The following NOS1AP variants were observed in gnomAD, a reference collection of about 807,000 sequenced individuals.
NOS1AP encodes the protein nitric oxide synthase 1 adaptor protein, also known as carboxyl-terminal PDZ ligand of neuronal nitric oxide synthase protein.
Under a neutral mutation model 56.2 loss-of-function variants are expected in NOS1AP, and 21 were observed. That is an observed-to-expected ratio of 0.37 (90% CI 0.26 to 0.54). The LOEUF (loss-of-function observed/expected upper bound fraction) is 0.54, where lower values mean the gene tolerates loss of function less well. Ranked by LOEUF, NOS1AP falls within the 20% of genes least tolerant of loss-of-function variation. NOS1AP has a pLI of 0.84. For synonymous variants in NOS1AP, 270 were observed against 274.6 expected, an observed-to-expected ratio of 0.98 and a Z score of 0.17; for missense variants, 522 against 657.8, an observed-to-expected ratio of 0.79 and a Z score of 2.26.
intron 8 of NOS1AP, 149 bp from the exon 9 acceptor site, chr1:162,365,255 A>G: frequency 6.7e-7 from 1 of 1,499,264 alleles, no homozygotes; most frequent in Non-Finnish European, 8.9e-7. Flanking sequence ...TGATAAGCCC[A>G]GATGCCCATG....
intron 2 of NOS1AP, among the ~76,000 whole-genome samples, chr1:162,236,490 G>A (rs1034588766): frequency 1.3e-5 from 2 of 152,162 alleles, no homozygotes; most frequent in Non-Finnish European, 2.9e-5. Context: ...AGAGTAACTA[G>A]CGGACATGTC....
chr1:162,235,740 C>T (rs913065147), intron 2 of NOS1AP, among the ~76,000 whole-genome samples: 18 of 152,232 alleles, frequency 1.2e-4, no homozygotes, highest in Non-Finnish European at 5.9e-5. Flanking sequence ...TGGTTAATTC[C>T]TGGCATTCCG....
chr1:162,094,023 G>C (rs1161744667), intron 1 of NOS1AP, among the ~76,000 whole-genome samples: 1 of 152,310 alleles, frequency 6.6e-6, no homozygotes, highest in East Asian at 1.9e-4. Context: ...GACTTATTAA[G>C]ACCTCAATAG....
chr1:162,183,597 C>T (rs1363009478), intron 2 of NOS1AP, among the ~76,000 whole-genome samples: 1 of 152,210 alleles, frequency 6.6e-6, no homozygotes, highest in Admixed American at 6.5e-5. Context: ...AACTAGATCT[C>T]CTGGATAACT....
At chr1:162,205,542 C>T (rs1652133506) in intron 2 of NOS1AP, among the ~76,000 whole-genome samples, 1 of 152,160 alleles carries the variant, frequency 6.6e-6, no homozygotes, top group Non-Finnish European at 1.5e-5. Flanking sequence ...TTAGAGTTTT[C>T]CTTCTTTCTA....
At chr1:162,230,184 A>AG (rs1406233245) in intron 2 of NOS1AP, among the ~76,000 whole-genome samples, 1 of 152,174 alleles carries the variant, frequency 6.6e-6, no homozygotes, top group Non-Finnish European at 1.5e-5. Flanking sequence ...GGAGCACCAC[A>AG]GGACAGGGCT....
At chr1:162,168,275 G>A (rs1028043157) in intron 2 of NOS1AP, among the ~76,000 whole-genome samples, 1 of 152,224 alleles carries the variant, frequency 6.6e-6, no homozygotes, top group Non-Finnish European at 1.5e-5. Context: ...TGGAAATGGA[G>A]TGTTACCTGC....
intron 1 of NOS1AP, among the ~76,000 whole-genome samples, chr1:162,146,168 G>A (rs904385371): frequency 9.9e-5 from 15 of 151,782 alleles, no homozygotes; most frequent in Non-Finnish European, 1.3e-4. Context: ...CCTTGCCTGC[G>A]CTAGCTAGTC....
chr1:162,141,113 G>A (rs758670433), intron 1 of NOS1AP, among the ~76,000 whole-genome samples: 22 of 152,118 alleles, frequency 1.4e-4, no homozygotes, highest in Non-Finnish European at 3.1e-4. Flanking sequence ...TTGGCAAATA[G>A]AAAGTGTTCT....
rs937636733 is a variant in NOS1AP, at chr1:162,127,400, A to C, written c.106-27005A>C. Reference sequence around the variant, plus strand: ...TTATACACATAAACACCGTTTTACTATTCCATCTGAAAATAAATTGTAGGG... The same window carrying C: ...TTATACACATAAACACCGTTTTACTCTTCCATCTGAAAATAAATTGTAGGG... On this transcript the variant is annotated intron_variant, in intron 1 of 9. Transcript: ENST00000361897. 5.9e-5 allele frequency among the ~76,000 whole-genome samples: 9 copies of C among 152,268 alleles called. No homozygotes were observed. In the East Asian group the frequency reaches 1.7e-3, roughly 29 times the overall value.
At chr1:162,340,537 A>ATTCCATAG (rs2101803321) in intron 5 of NOS1AP, among the ~76,000 whole-genome samples, 1 of 152,346 alleles carries the variant, frequency 6.6e-6, no homozygotes, top group East Asian at 1.9e-4. Context: ...GGTGCAGTGA[A>ATTCCATAG]TTCCATAGTC....
At chr1:162,094,598 G>A (rs537541827) in intron 1 of NOS1AP, among the ~76,000 whole-genome samples, 19 of 152,334 alleles carry the variant, frequency 1.2e-4, no homozygotes, top group African/African-American at 4.3e-4. Context: ...CCCTGGGCCT[G>A]TCCTGAACCT....
At chr1:162,151,140 A>G (rs1480408618) in intron 1 of NOS1AP, among the ~76,000 whole-genome samples, 1 of 152,202 alleles carries the variant, frequency 6.6e-6, no homozygotes, top group Non-Finnish European at 1.5e-5. Context: ...ATTTTTGTAT[A>G]TGGTGAGAGA....
intron 2 of NOS1AP, among the ~76,000 whole-genome samples, chr1:162,273,232 C>T (rs1229048669): frequency 5.6e-5 from 8 of 143,046 alleles, no homozygotes; most frequent in Non-Finnish European, 1.2e-4. Flanking sequence ...GGCGCGATCT[C>T]GGCTCACTGC....
intron 1 of NOS1AP, among the ~76,000 whole-genome samples, chr1:162,088,560 A>G (rs1570999934): frequency 1.3e-5 from 2 of 152,286 alleles, no homozygotes. Context: ...AACCTAATTG[A>G]AAAGAGTTAC....
chr1:162,092,351 G>A (rs1049429773), intron 1 of NOS1AP, among the ~76,000 whole-genome samples: 1 of 152,192 alleles, frequency 6.6e-6, no homozygotes, highest in Non-Finnish European at 1.5e-5. Flanking sequence ...GATTTCATCA[G>A]CACTATCACA....
At chr1:162,159,805 G>A (rs899793914) in intron 2 of NOS1AP, among the ~76,000 whole-genome samples, 1 of 152,190 alleles carries the variant, frequency 6.6e-6, no homozygotes, top group Non-Finnish European at 1.5e-5. Flanking sequence ...AGGGGGTTCT[G>A]GGGAAGGAAG....
intron 2 of NOS1AP, among the ~76,000 whole-genome samples, chr1:162,284,814 G>A (rs191839462): frequency 3.0e-4 from 45 of 152,278 alleles, no homozygotes; most frequent in Admixed American, 5.2e-4. Flanking sequence ...TGCTATGCTC[G>A]GGTAAGAAAT....
chr1:162,291,819 G>C (rs1655291353), intron 3 of NOS1AP, among the ~76,000 whole-genome samples: 1 of 152,150 alleles, frequency 6.6e-6, no homozygotes, highest in Admixed American at 6.5e-5. Flanking sequence ...CTCTCAACCA[G>C]TACATTTTCT....
Sources: allele counts gnomAD v4.1 joint callset (sites outside exome capture counted in the v4.1 genomes callset), GRCh38; gene constraint gnomAD v4.1.1; transcripts MANE v1.5; gene names NCBI Gene and HGNC (gene_info 2026-07-23, HGNC 2026-07-21).